The following LMF1 variants were observed in gnomAD, a reference collection of about 807,000 sequenced individuals.
LMF1 encodes the protein lipase maturation factor 1.
In LMF1, 68 loss-of-function variants were observed where a neutral mutation model predicts 60.6. That is an observed-to-expected ratio of 1.12 (90% CI 0.92 to 1.37). The LOEUF (loss-of-function observed/expected upper bound fraction) is 1.37. LMF1 is among the 40% of genes most tolerant of loss of function. The pLI is 0.00. For synonymous variants in LMF1, 418 were observed against 324.7 expected (o/e 1.29, Z -3.09); for missense variants, 948 against 767.2 (o/e 1.24, Z -2.78).
intron 5 of LMF1, 49 bp downstream of exon 5, chr16:892,958 G>C (rs1206829751): frequency 1.4e-6 from 2 of 1,427,764 alleles, no homozygotes; most frequent in East Asian, 5.0e-5. Context: ...GTGGGAACGG[G>C]GCGGCGTGAG....
At chr16:957,660 T>C (rs1250485024) in intron 1 of LMF1, among the ~76,000 whole-genome samples, 11 of 152,182 alleles carry the variant, frequency 7.2e-5, no homozygotes, top group Non-Finnish European at 7.3e-5. Context: ...GGAGGACTCA[T>C]GTTACCCAAT....
Position 924,920 on chromosome 16 carries a change from C to T in LMF1, c.514+9324G>A, listed in dbSNP as rs151053761. 5.6e-3 allele frequency among the ~76,000 whole-genome samples: 851 copies of T among 152,320 alleles called. 11 individuals carry two copies. The highest frequency in any genetic ancestry group is 0.019 in the African/African-American group (810 of 41,570). On this transcript the variant is annotated intron_variant, in intron 3 of 10. Coordinates refer to ENST00000262301, the MANE Select transcript of LMF1 (RefSeq NM_022773.4). The stretch of plus-strand genomic sequence containing the variant: ...GAGGAAACAAGTATTGAGGCCCAGG[C>T]GGGAGAACGGATGCAGACCTGCTAG...
chr16:882,726 G>A (rs963570486), intron 5 of LMF1, among the ~76,000 whole-genome samples: 7 of 143,944 alleles, frequency 4.9e-5, no homozygotes, highest in Admixed American at 1.4e-4. Context: ...AAGAGGAGCC[G>A]GCAGCAGAGC....
chr16:947,601 C>G (rs1002396806), intron 2 of LMF1: 32 of 455,932 alleles, frequency 7.0e-5, no homozygotes, highest in Non-Finnish European at 1.1e-4. Context: ...AGGAGGACCC[C>G]TGAGGTGTCC....
chr16:870,207 C>A, intron 8 of LMF1, 141 bp from the exon 9 acceptor site: 1 of 957,576 alleles, frequency 1.0e-6, no homozygotes, highest in Admixed American at 2.6e-5. Flanking sequence ...TGGTCAGGGG[C>A]TACTGAGAGG....
intron 10 of LMF1, among the ~76,000 whole-genome samples, chr16:857,276 T>G (rs535554357): frequency 2.0e-5 from 3 of 152,382 alleles, no homozygotes; most frequent in South Asian, 2.1e-4. Context: ...TAAACGTCCA[T>G]GGAAGCAGCT....
intron 2 of LMF1, 76 bp from the exon 3 acceptor site, chr16:934,330 T>G (rs1009337686): frequency 8.9e-6 from 14 of 1,571,274 alleles, no homozygotes; most frequent in African/African-American, 1.3e-5. Context: ...CCCCACTGAG[T>G]GAAGCCCACC....
upstream of LMF1, chr16:971,001 CGGAGGCCCCGCCCA>C: frequency 3.1e-6 from 2 of 638,720 alleles, no homozygotes; most frequent in Non-Finnish European, 3.9e-6. Flanking sequence ...GGCGCACTCC[CGGAGGCCCCGCCCA>C]TTCTCGGAGG....
At chr16:978,797 G>C (rs891670546) in intron 1 of LMF1, among the ~76,000 whole-genome samples, 4 of 152,126 alleles carry the variant, frequency 2.6e-5, no homozygotes, top group African/African-American at 9.6e-5. Flanking sequence ...TGAAGACATG[G>C]GCCCATCAGG....
chr16:861,245 T>A (rs2069455212), intron 10 of LMF1, among the ~76,000 whole-genome samples: 1 of 152,202 alleles, frequency 6.6e-6, no homozygotes, highest in South Asian at 2.1e-4. Flanking sequence ...TTCTGCGTAT[T>A]TAATTTAGGT....
intron 8 of LMF1, 66 bp from the exon 9 acceptor site, chr16:870,132 G>A (rs575396266): frequency 5.8e-5 from 88 of 1,524,718 alleles, no homozygotes; most frequent in Admixed American, 3.1e-4. Context: ...GGGTGCATGG[G>A]TGGGGGGGGT....
In LMF1 at chr16:897,951, G is replaced by T. The variant is rs1030177588; in HGVS notation, c.664-4879C>A. 9.2e-5 allele frequency among the ~76,000 whole-genome samples: 14 copies of T among 152,258 alleles called. No individual in the cohort carries two copies. Among genetic ancestry groups the T allele is most frequent in the Non-Finnish European group, 1.8e-4 (12 of 68,046 alleles). On this transcript the variant is annotated intron_variant, in intron 4 of 10. Coordinates refer to ENST00000262301, the MANE Select transcript of LMF1 (RefSeq NM_022773.4). This position sits in a 1 kb window ranked among gnomAD's most constrained non-coding sequence, Gnocchi z 4.3. ...CTTCCTTGTGGCACAGCTGCACCAG[G>T]AGCTGTGTACATGGCAGGCATCCTC...
At chr16:927,973 G>A (rs1366254883) in intron 3 of LMF1, among the ~76,000 whole-genome samples, 1 of 152,184 alleles carries the variant, frequency 6.6e-6, no homozygotes, top group East Asian at 1.9e-4. Context: ...GAAGTTTCCC[G>A]CTTGGCAAGA....
At chr16:946,483 C>T (rs932507812) in intron 2 of LMF1, among the ~76,000 whole-genome samples, 1 of 152,232 alleles carries the variant, frequency 6.6e-6, no homozygotes, top group African/African-American at 2.4e-5. Flanking sequence ...GCCTCCTATC[C>T]AGGGCAGGGT....
At chr16:857,915 C>CA (rs781529832) in intron 10 of LMF1, among the ~76,000 whole-genome samples, 108 of 10,554 alleles carry the variant, frequency 0.01, no homozygotes, top group Non-Finnish European at 0.013. Flanking sequence ...GATGGGTGTG[C>CA]GTGGTGTCTC....
intron 4 of LMF1, among the ~76,000 whole-genome samples, chr16:898,315 G>T (rs2070718646): frequency 6.6e-6 from 1 of 152,190 alleles, no homozygotes; most frequent in Admixed American, 6.5e-5. Context: ...ACCTGGAAAA[G>T]GCTGTCCCAA....
intron 10 of LMF1, among the ~76,000 whole-genome samples, chr16:866,091 C>T (rs764728394): frequency 6.6e-6 from 1 of 152,218 alleles, no homozygotes; most frequent in African/African-American, 2.4e-5. Context: ...TCTAATACCT[C>T]CCTCATCTTG....
At chr16:928,139 G>A (rs1032541421) in intron 3 of LMF1, among the ~76,000 whole-genome samples, 47 of 152,320 alleles carry the variant, frequency 3.1e-4, no homozygotes, top group African/African-American at 1.1e-3. Context: ...CTGCCTCCGT[G>A]GCTCACACAG....
chr16:909,600 T>G (rs2071055928), intron 4 of LMF1, among the ~76,000 whole-genome samples: 1 of 152,116 alleles, frequency 6.6e-6, no homozygotes, highest in Non-Finnish European at 1.5e-5. Context: ...CACTGAACCA[T>G]GCTACACGCT....
Sources: gnomAD v4.1 joint callset for allele counts (sites outside exome capture counted in the v4.1 genomes callset) on GRCh38, gnomAD v4.1.1 for gene constraint, Gnocchi (gnomAD v3.1) non-coding constraint, MANE v1.5 for transcripts, NCBI Gene and HGNC (gene_info 2026-07-23, HGNC 2026-07-21) for gene names.